Variants in COL25A1 observed in about 807,000 individuals in gnomAD.
COL25A1 encodes collagen alpha-1(XXV) chain.
COL25A1 carries 103 observed loss-of-function variants against 128.4 expected under a neutral mutation model. The ratio of observed to expected loss-of-function variants is 0.80; its 90% CI spans 0.68 to 0.94. The LOEUF is 0.94. Ranked by LOEUF, COL25A1 falls within the 40% of genes least tolerant of loss-of-function variation. The pLI is 0.00. For missense variants in COL25A1, 745 were observed against 840.0 expected (o/e 0.89, Z 1.40); for synonymous variants, 279 against 277.2 (o/e 1.01, Z -0.06).
intron 3 of COL25A1, among the ~76,000 whole-genome samples, chr4:109,098,039 G>A (rs952081530): frequency 2.6e-5 from 4 of 152,152 alleles, no homozygotes; most frequent in African/African-American, 9.7e-5. Context: ...GATAGATGGT[G>A]TATCAATTTC....
intron 3 of COL25A1, among the ~76,000 whole-genome samples, chr4:109,214,727 T>C (rs2126201663): frequency 6.6e-6 from 1 of 152,186 alleles, no homozygotes; most frequent in South Asian, 2.1e-4. Flanking sequence ...ATCTACCCTG[T>C]GCTTCCAGAA....
At chr4:108,979,973 C>T (rs1198257217) in intron 6 of COL25A1, among the ~76,000 whole-genome samples, 1 of 152,078 alleles carries the variant, frequency 6.6e-6, no homozygotes, top group South Asian at 2.1e-4. Context: ...GCGAAGCAGG[C>T]CCGGGGGGAA....
chr4:108,993,683 A>G (rs1336687133), intron 6 of COL25A1, among the ~76,000 whole-genome samples: 1 of 152,062 alleles, frequency 6.6e-6, no homozygotes, highest in East Asian at 1.9e-4. Context: ...AACATCATGA[A>G]ACCCCATCTC....
intron 3 of COL25A1, among the ~76,000 whole-genome samples, chr4:109,132,273 T>C (rs965066786): frequency 3.9e-4 from 60 of 152,184 alleles, no homozygotes; most frequent in African/African-American, 1.3e-3. Flanking sequence ...ATTTACATGG[T>C]TTGTTTTTAC....
At chr4:108,952,022 T>C (rs1578871097) in intron 8 of COL25A1, among the ~76,000 whole-genome samples, 1 of 152,170 alleles carries the variant, frequency 6.6e-6, no homozygotes, top group African/African-American at 2.4e-5. Flanking sequence ...GAACTAAAGA[T>C]TATAGAAAGA....
At chr4:108,944,097 G>T (rs1238836759) in intron 8 of COL25A1, among the ~76,000 whole-genome samples, 1 of 152,114 alleles carries the variant, frequency 6.6e-6, no homozygotes, top group Non-Finnish European at 1.5e-5. Flanking sequence ...CAGCTCTAAT[G>T]CCTTTGACTC....
intron 3 of COL25A1, among the ~76,000 whole-genome samples, chr4:109,184,905 T>C (rs942123720): frequency 2.6e-5 from 4 of 152,136 alleles, no homozygotes; most frequent in Non-Finnish European, 1.5e-5. Flanking sequence ...CCTGTTTTAG[T>C]AGAGATTAAA....
chr4:109,147,573 T>A (rs1313458128), intron 3 of COL25A1, among the ~76,000 whole-genome samples: 1 of 152,148 alleles, frequency 6.6e-6, no homozygotes, highest in East Asian at 1.9e-4. Flanking sequence ...TCCCAGCACT[T>A]TGGGAGGCCA....
intron 3 of COL25A1, among the ~76,000 whole-genome samples, chr4:109,193,586 T>A (rs754388779): frequency 9.2e-5 from 14 of 152,122 alleles, no homozygotes; most frequent in Non-Finnish European, 1.9e-4. Context: ...ACAAAAACCA[T>A]CTGGTTTTAT....
chr4:108,937,620 C>G (rs1747590305), intron 11 of COL25A1, among the ~76,000 whole-genome samples, 188 bp downstream of exon 11: 1 of 152,138 alleles, frequency 6.6e-6, no homozygotes, highest in African/African-American at 2.4e-5. Flanking sequence ...TTTTCTCCTG[C>G]AACAGCAATG....
chr4:108,882,894 A>G (rs1740294280), intron 19 of COL25A1, among the ~76,000 whole-genome samples: 1 of 152,200 alleles, frequency 6.6e-6, no homozygotes, highest in Non-Finnish European at 1.5e-5. Flanking sequence ...ATATACTCAT[A>G]AAATATTATA....
intron 3 of COL25A1, among the ~76,000 whole-genome samples, chr4:109,260,504 G>T (rs1228687154): frequency 2.0e-5 from 3 of 150,944 alleles, no homozygotes; most frequent in Non-Finnish European, 4.4e-5. Flanking sequence ...TTTTTTGTTT[G>T]TTTTTTTTTG....
intron 3 of COL25A1, among the ~76,000 whole-genome samples, chr4:109,056,522 A>G (rs1215269278): frequency 6.6e-6 from 1 of 152,178 alleles, no homozygotes; most frequent in Admixed American, 6.5e-5. Flanking sequence ...AAGCTTTTAT[A>G]CCAAGGGATT....
rs117078559 is a variant in COL25A1 at position 109,255,512 on chromosome 4, T to C, written c.367+45071A>G. 8.0e-3 allele frequency among the ~76,000 whole-genome samples: 1,214 copies of C among 152,252 alleles called. 62 individuals carry two copies. The South Asian group carries it at 0.14, about 17-fold the overall frequency. On this transcript the variant is annotated intron_variant, in intron 3 of 37. Coordinates refer to ENST00000399132, the MANE Select transcript of COL25A1 (RefSeq NM_198721.4). The stretch of plus-strand genomic sequence containing the variant: ...TGGGAAAGAGGGTGAATATCTGCAG[T>C]TGGACAGACTACCTAGAGAATCCTT...
chr4:109,073,702 C>G (rs1300517908), intron 3 of COL25A1, among the ~76,000 whole-genome samples: 1 of 152,082 alleles, frequency 6.6e-6, no homozygotes, highest in African/African-American at 2.4e-5. Context: ...GGCTGCTTTC[C>G]TTAGAGGCTG....
In COL25A1 at chr4:108,845,178, C is replaced by A; in HGVS notation, c.1578+11G>T. 1 of 1,611,432 alleles carries A rather than the reference C, an allele frequency of 6.2e-7. No homozygotes were observed. Among genetic ancestry groups the A allele is most frequent in the South Asian group, 1.1e-5 (1 of 91,022 alleles). On this transcript the variant is annotated intron_variant, in intron 29 of 37. Transcript: ENST00000399132. ...TCAGGAACAATGGAAGTTCAGCCACCATGGACTTACAGAAGGACCCTGTGG... is the reference window on the plus strand; with the variant it reads ...TCAGGAACAATGGAAGTTCAGCCACAATGGACTTACAGAAGGACCCTGTGG...
intron 4 of COL25A1, among the ~76,000 whole-genome samples, chr4:109,049,711 C>G (rs1760804169): frequency 6.6e-6 from 1 of 152,156 alleles, no homozygotes; most frequent in African/African-American, 2.4e-5. Context: ...AACAACACAG[C>G]TTTCTAAGAC....
chr4:109,104,401 A>ACTCACTCT (rs1553933036), intron 3 of COL25A1, among the ~76,000 whole-genome samples: 3 of 150,086 alleles, frequency 2.0e-5, no homozygotes, highest in South Asian at 2.1e-4. Flanking sequence ...AAAGGAAATC[A>ACTCACTCT]CTCTCTCTCT....
intron 13 of COL25A1, among the ~76,000 whole-genome samples, chr4:108,906,337 G>C (rs1743525995): frequency 6.6e-6 from 1 of 151,972 alleles, no homozygotes; most frequent in South Asian, 2.1e-4. Flanking sequence ...TTTTTCCTCG[G>C]ATAGCTATAG....
Sources: allele counts gnomAD v4.1 joint callset (sites outside exome capture counted in the v4.1 genomes callset), GRCh38; gene constraint gnomAD v4.1.1; transcripts MANE v1.5; gene names NCBI Gene and HGNC (gene_info 2026-07-23, HGNC 2026-07-21).